Variants in PCM1 observed in about 807,000 individuals in gnomAD.
PCM1 encodes the protein pericentriolar material 1, also known as pericentriolar material 1 protein.
A neutral mutation model predicts 241.9 loss-of-function variants in PCM1; 157 were observed. That is an observed-to-expected ratio of 0.65 (90% CI 0.57 to 0.74). PCM1 has a LOEUF of 0.74. PCM1 is among the 30% of genes least tolerant of loss of function. PCM1 has a pLI of 0.00. For synonymous variants in PCM1, 1,085 were observed against 784.9 expected (o/e 1.38, Z -6.39); for missense variants, 3,478 against 2,360.1 (o/e 1.47, Z -9.81).
chr8:17,985,650 C>A, intron 25 of PCM1, 31 bp downstream of exon 25: 1 of 1,484,020 alleles, frequency 6.7e-7, no homozygotes, highest in African/African-American at 1.4e-5. Flanking sequence ...TTTTTCCTAC[C>A]CTATTATCAC....
chr8:17,939,480 G>T (rs771114304), intron 5 of PCM1, among the ~76,000 whole-genome samples: 2 of 152,086 alleles, frequency 1.3e-5, no homozygotes, highest in Non-Finnish European at 2.9e-5. Flanking sequence ...AATTGACAGT[G>T]ATTGGAGTTT....
At chr8:17,949,662 T>C (rs2065258629) in intron 7 of PCM1, among the ~76,000 whole-genome samples, 1 of 152,172 alleles carries the variant, frequency 6.6e-6, no homozygotes, top group African/African-American at 2.4e-5. Flanking sequence ...CACGCCGGGC[T>C]AATTTTTGTA....
chr8:18,000,655 CTT>C (rs1053234195), intron 29 of PCM1, among the ~76,000 whole-genome samples: 3 of 152,068 alleles, frequency 2.0e-5, no homozygotes, highest in African/African-American at 7.2e-5. Flanking sequence ...GAGGCTCACT[CTT>C]ATCACCCAGG....
chr8:17,941,252 G>T (rs764882201), intron 6 of PCM1, among the ~76,000 whole-genome samples: 1 of 152,168 alleles, frequency 6.6e-6, no homozygotes, highest in Admixed American at 6.5e-5. Context: ...AAGGAATTCT[G>T]TTGGGGAGGA....
At chr8:17,944,432 T>C (rs1447700182) in intron 6 of PCM1, among the ~76,000 whole-genome samples, 1 of 152,116 alleles carries the variant, frequency 6.6e-6, no homozygotes, top group Non-Finnish European at 1.5e-5. Context: ...TAGGATCCAT[T>C]AATAATTACT....
At chr8:17,963,060 AT>A in intron 16 of PCM1, 40 bp from the exon 17 acceptor site, 1 of 1,476,772 alleles carries the variant, frequency 6.8e-7, no homozygotes, top group Non-Finnish European at 9.3e-7. Flanking sequence ...GCTACAGCAA[AT>A]CCAAATATTT....
intron 2 of PCM1, among the ~76,000 whole-genome samples, chr8:17,934,251 T>C (rs1050073108): frequency 6.8e-6 from 1 of 147,764 alleles, no homozygotes; most frequent in Non-Finnish European, 1.5e-5. Flanking sequence ...ATTATTACTA[T>C]TTATTTAATT....
At chr8:18,011,627 G>C (rs745690119) in intron 33 of PCM1, 40 bp from the exon 34 acceptor site, 1 of 1,546,814 alleles carries the variant, frequency 6.5e-7, no homozygotes, top group Admixed American at 2.0e-5. Context: ...TTAAGATTAT[G>C]TGCTGAAATT....
rs2074882385 is a variant in PCM1, at chr8:17,966,335, C to T, written c.3083C>T (p.Ser1028Phe). Reference protein sequence around the residue: ...QTLMQDQQTLSCLLQTLLTGP... With the variant: ...QTLMQDQQTLFCLLQTLLTGP... ...AACATTTTCTTTCAATAGACTCTATCTTGTCTGCTACAAACTCTTCTCACG... is the reference window on the plus strand; with the variant it reads ...AACATTTTCTTTCAATAGACTCTATTTTGTCTGCTACAAACTCTTCTCACG... Residue 1028 changes from serine (S) to phenylalanine (F), a missense_variant, in exon 20 of 39, where the codon TCT becomes TTT. Ser to Phe is a radical substitution (Grantham distance 155). Transcript: ENST00000325083. 1.2e-6 allele frequency: 2 copies of T among 1,613,706 alleles called. No individual in the cohort carries two copies. The highest frequency in any genetic ancestry group is 1.7e-6 in the Non-Finnish European group (2 of 1,179,696).
intron 8 of PCM1, among the ~76,000 whole-genome samples, chr8:17,952,413 C>G (rs987603690): frequency 2.6e-5 from 4 of 152,218 alleles, no homozygotes; most frequent in African/African-American, 9.6e-5. Context: ...GATTCAATTA[C>G]TGATGTCTAG....
rs552194482 is a variant in PCM1 at position 18,028,144 on chromosome 8, G to C, written c.*482G>C. 5.1e-6 allele frequency: 1 copy of C among 197,502 alleles called. No individual in the cohort carries two copies. The highest frequency in any genetic ancestry group is 6.1e-5 in the Admixed American group (1 of 16,480). The allele number at this position is 197,502 out of a possible 1,614,324, so 12.2% of individuals were successfully genotyped here. On this transcript the variant is annotated 3_prime_UTR_variant, in exon 39 of 39. Coordinates refer to ENST00000325083, the MANE Select transcript of PCM1 (RefSeq NM_006197.4). Reference sequence around the variant, plus strand: ...AACTAATGCCAGTGTTGCTGCTGTTGGGTCTGATGTTCTTCTTTTAGATAC... The same window carrying C: ...AACTAATGCCAGTGTTGCTGCTGTTCGGTCTGATGTTCTTCTTTTAGATAC...
At chr8:18,008,676 G>A (rs2091952989) in intron 30 of PCM1, among the ~76,000 whole-genome samples, 1 of 152,152 alleles carries the variant, frequency 6.6e-6, no homozygotes, top group South Asian at 2.1e-4. Context: ...TTGAGGTGAT[G>A]TTTTTGTTTC....
At chr8:17,934,510 C>A (rs528910275) in intron 2 of PCM1, among the ~76,000 whole-genome samples, 1 of 152,288 alleles carries the variant, frequency 6.6e-6, no homozygotes, top group African/African-American at 2.4e-5. Flanking sequence ...ATCCGCTTAC[C>A]TCAGCTTCTC....
In PCM1 at chr8:17,923,129, G is replaced by T. The variant is rs921775724; in HGVS notation, c.-150G>T. The T allele has an allele frequency of 6.6e-6, 1 of 152,540 alleles. No homozygotes were observed. The highest frequency in any genetic ancestry group is 2.4e-5 in the African/African-American group (1 of 41,464). 9.4% of individuals were successfully genotyped at this position (152,540 alleles called of 1,614,324 possible). On this transcript the variant is annotated 5_prime_UTR_variant, in exon 1 of 39. Transcript: ENST00000325083. Reference sequence around the variant, plus strand: ...CTCCGAGGGCCGACCGCTGCCGGCGGCGGGTCGTGGGGGCTGACTGTCGCT... The same window carrying T: ...CTCCGAGGGCCGACCGCTGCCGGCGTCGGGTCGTGGGGGCTGACTGTCGCT...
At chr8:17,954,320 C>T (rs113383863) in intron 9 of PCM1, among the ~76,000 whole-genome samples, 23 of 151,066 alleles carry the variant, frequency 1.5e-4, no homozygotes, top group African/African-American at 3.7e-4. Flanking sequence ...TCAGCTACTC[C>T]GGAGGCTGAG....
At chr8:17,963,032 A>T in intron 16 of PCM1, 69 bp from the exon 17 acceptor site, 1 of 1,065,798 alleles carries the variant, frequency 9.4e-7, no homozygotes, top group Non-Finnish European at 1.4e-6. Context: ...CAATACTAGT[A>T]GTCTTTTACT....
intron 17 of PCM1, among the ~76,000 whole-genome samples, chr8:17,964,306 T>C (rs1199094057): frequency 3.3e-4 from 50 of 152,132 alleles, no homozygotes; most frequent in Non-Finnish European, 2.9e-5. Flanking sequence ...TAAGGGTAGT[T>C]TAGCTTTGGG....
intron 36 of PCM1, among the ~76,000 whole-genome samples, chr8:18,024,446 G>A (rs1017884074): frequency 2.0e-5 from 3 of 152,092 alleles, no homozygotes; most frequent in Non-Finnish European, 2.9e-5. Flanking sequence ...TTTGAAAAAC[G>A]TTAGTACAAA....
chr8:17,995,531 A>G (rs1421143601), intron 29 of PCM1, among the ~76,000 whole-genome samples: 2 of 151,316 alleles, frequency 1.3e-5, no homozygotes, highest in Admixed American at 1.3e-4. Flanking sequence ...TTTTTGCTCA[A>G]GATAGCTTTG....
Sources: gnomAD v4.1 joint callset for allele counts (sites outside exome capture counted in the v4.1 genomes callset) on GRCh38, gnomAD v4.1.1 for gene constraint, MANE v1.5 for transcripts, NCBI Gene and HGNC (gene_info 2026-07-23, HGNC 2026-07-21) for gene names.